P2RX7: variants seen among roughly 807,000 people sequenced by gnomAD.
P2RX7 encodes P2X purinoceptor 7.
P2RX7 carries 62 observed loss-of-function variants against 71.6 expected under a neutral mutation model. That is an observed-to-expected ratio of 0.87 (90% confidence interval 0.71 to 1.07). P2RX7 has a LOEUF of 1.07. Ranked by LOEUF, P2RX7 falls within the 50% of genes least tolerant of loss-of-function variation. The pLI is 0.00. For missense variants in P2RX7, 686 were observed against 748.5 expected (o/e 0.92, Z 0.97); for synonymous variants, 299 against 283.3 (o/e 1.06, Z -0.56).
chr12:121,174,410 A>G (rs1882742111), intron 8 of P2RX7, among the ~76,000 whole-genome samples: 1 of 152,126 alleles, frequency 6.6e-6, no homozygotes, highest in Non-Finnish European at 1.5e-5. Flanking sequence ...CCACCCAGCT[A>G]CTTGGGAGGC....
At chr12:121,133,418 C>T (rs3900976) in intron 1 of P2RX7, among the ~76,000 whole-genome samples, 14,460 of 152,270 alleles carry the variant, frequency 0.095, 1,132 homozygotes, top group East Asian at 0.26. Flanking sequence ...AGGCGAGGAT[C>T]TCAGGGCACG....
intron 1 of P2RX7, among the ~76,000 whole-genome samples, chr12:121,151,625 T>C (rs2136029541): frequency 6.6e-6 from 1 of 152,270 alleles, no homozygotes; most frequent in Admixed American, 6.5e-5. Flanking sequence ...TTTATTGGGG[T>C]GAAATTCACA....
chr12:121,145,660 C>T (rs1011542652), intron 1 of P2RX7, among the ~76,000 whole-genome samples: 1 of 152,100 alleles, frequency 6.6e-6, no homozygotes, highest in African/African-American at 2.4e-5. Context: ...GCATGTGCCA[C>T]CACACCCGCC....
In P2RX7 at chr12:121,175,514, C is replaced by T. The variant is rs372019389; in HGVS notation, c.972+36C>T. ...TTTCCCAGCTCCGGGCACCGGCATC[C>T]TATGACTGTGTCCTAATTACTGCTG... On this transcript the variant is annotated intron_variant, in intron 9 of 12. Coordinates refer to ENST00000328963, the MANE Select transcript of P2RX7 (RefSeq NM_002562.6). 6 of 916,622 alleles carry T rather than the reference C, an allele frequency of 6.5e-6. No individual in the cohort carries two copies. In the African/African-American group the frequency reaches 8.1e-5, roughly 12 times the overall value. The allele number at this position is 916,622 out of a possible 1,614,324, so 56.8% of individuals were successfully genotyped here. A position where few individuals can be genotyped will look rare whatever the true frequency, so the allele number is the denominator to read the frequency against.
Position 121,162,337 on chromosome 12 carries a change from G to A in P2RX7, c.437-87G>A, listed in dbSNP as rs28360446. The A allele has an allele frequency of 0.025, 38,409 of 1,552,422 alleles. 635 individuals carry two copies. Among genetic ancestry groups the A allele is most frequent in the South Asian group, 0.049 (4,059 of 83,280 alleles). The stretch of plus-strand genomic sequence containing the variant: ...CTGGTCAAAGCCTAGTCTCTCGCCC[G>A]GGTTGAGTTAATGATGTCCCTCCTG... On this transcript the variant is annotated intron_variant, in intron 4 of 12. Coordinates refer to ENST00000328963, the MANE Select transcript of P2RX7 (RefSeq NM_002562.6).
rs562282856 is a variant in P2RX7, at chr12:121,184,768, A to C, written c.1754A>C (p.Glu585Ala). 8 of 1,552,090 alleles carry C rather than the reference A, an allele frequency of 5.2e-6. No individual in the cohort carries two copies. The South Asian group carries it at 9.5e-5, about 18-fold the overall frequency. ...ATCCGGAAAGAGTTTCCGAAGAGTG[A>C]AGGGCAGTACAGTGGCTTCAAGAGT... ...WRIRKEFPKSEGQYSGFKSPY is the reference protein window; with the variant it reads ...WRIRKEFPKSAGQYSGFKSPY Residue 585 changes from glutamate to alanine, a missense_variant, in exon 13 of 13, where the codon GAA becomes GCA. Glu to Ala is a moderately radical substitution (Grantham distance 107). Transcript: ENST00000328963.
rs201589850 is a variant in P2RX7, at chr12:121,184,977, C to T, written c.*175C>T. On this transcript the variant is annotated 3_prime_UTR_variant, in exon 13 of 13. Transcript: ENST00000328963. ...GCATGCACCTGCAATCCCAGCTACT[C>T]GGGAGGCTGAGGCACAAGAATCACT... is the stretch of plus-strand genomic sequence containing the variant. 8.3e-5 allele frequency: 47 copies of T among 569,620 alleles called. No homozygotes were observed. Among genetic ancestry groups the T allele is most frequent in the East Asian group, 5.7e-4 (19 of 33,398 alleles). The allele number at this position is 569,620 out of a possible 1,614,324, so 35.3% of individuals were successfully genotyped here.
intron 12 of P2RX7, 66 bp from the exon 13 acceptor site, chr12:121,184,239 A>G: frequency 6.7e-7 from 1 of 1,501,672 alleles, no homozygotes; most frequent in Non-Finnish European, 8.9e-7. Flanking sequence ...ATAAGTTAAT[A>G]AAATTAAAGA....
At chr12:121,171,014 G>A (rs770105535) in intron 8 of P2RX7, among the ~76,000 whole-genome samples, 16 of 152,128 alleles carry the variant, frequency 1.1e-4, no homozygotes, top group Non-Finnish European at 2.4e-4. Flanking sequence ...GCTTATGCAC[G>A]ACCTGTGTGA....
intron 1 of P2RX7, among the ~76,000 whole-genome samples, chr12:121,139,704 C>T (rs1874421304): frequency 6.6e-6 from 1 of 151,212 alleles, no homozygotes; most frequent in Admixed American, 6.6e-5. Flanking sequence ...CAAATCCAAC[C>T]CAAGCATGGC....
chr12:121,178,173 C>T (rs893535127), intron 11 of P2RX7, among the ~76,000 whole-genome samples: 1 of 152,276 alleles, frequency 6.6e-6, no homozygotes, highest in African/African-American at 2.4e-5. Context: ...GAGAAACACT[C>T]ACATGAGTAC....
chr12:121,152,165 G>T (rs1199497071), intron 1 of P2RX7, among the ~76,000 whole-genome samples: 2 of 151,882 alleles, frequency 1.3e-5, no homozygotes, highest in Non-Finnish European at 2.9e-5. Flanking sequence ...ATTTTTAGTA[G>T]AGAGAGGGTT....
chr12:121,171,359 C>CTTTT (rs34595094), intron 8 of P2RX7, among the ~76,000 whole-genome samples: 7 of 105,002 alleles, frequency 6.7e-5, no homozygotes, highest in South Asian at 3.3e-4. Flanking sequence ...TCTTCAATCT[C>CTTTT]TTTTTTTTTT....
At chr12:121,184,209 G>A in intron 12 of P2RX7, 96 bp from the exon 13 acceptor site, 2 of 1,389,092 alleles carry the variant, frequency 1.4e-6, no homozygotes, top group Non-Finnish European at 1.9e-6. Context: ...TATAAATCAT[G>A]TAATATTAAA....
intron 8 of P2RX7, among the ~76,000 whole-genome samples, chr12:121,171,954 C>T (rs1593121022): frequency 1.3e-5 from 2 of 151,724 alleles, no homozygotes; most frequent in East Asian, 1.9e-4. Flanking sequence ...CTCCGCCTCC[C>T]GGGTTCACAC....
intron 11 of P2RX7, among the ~76,000 whole-genome samples, chr12:121,178,341 C>T (rs1309696226): frequency 6.6e-6 from 1 of 152,140 alleles, no homozygotes; most frequent in Admixed American, 6.6e-5. Flanking sequence ...CAGGCACCAG[C>T]TTAAAAAAAT....
rs916297331 is a variant in P2RX7, at chr12:121,154,007, A to G, written c.126-778A>G. ...CATGGTGATACATGCCTGTAGTTCC[A>G]GCTACTCAGGAGGCTGAGGTGGGAG... On this transcript the variant is annotated intron_variant, in intron 1 of 12. Transcript: ENST00000328963. This position sits in a 1 kb window ranked among gnomAD's most constrained non-coding sequence, Gnocchi z 4.2. 1.3e-5 allele frequency among the ~76,000 whole-genome samples: 2 copies of G among 152,120 alleles called. No homozygotes were observed. Among genetic ancestry groups the G allele is most frequent in the African/African-American group, 4.8e-5 (2 of 41,426 alleles).
At chr12:121,180,217 C>A in intron 11 of P2RX7, 137 bp from the exon 12 acceptor site, 3 of 305,808 alleles carry the variant, frequency 9.8e-6, no homozygotes, top group South Asian at 7.9e-5. Flanking sequence ...ATCATTAATT[C>A]TTGGTTAATG....
chr12:121,179,925 G>A (rs1252646737), intron 11 of P2RX7, among the ~76,000 whole-genome samples: 5 of 151,994 alleles, frequency 3.3e-5, no homozygotes, highest in Non-Finnish European at 5.9e-5. Context: ...CAAGGCGGGC[G>A]GATCAACTGA....
Sources: gnomAD v4.1 joint callset for allele counts (sites outside exome capture counted in the v4.1 genomes callset) on GRCh38, gnomAD v4.1.1 for gene constraint, Gnocchi (gnomAD v3.1) non-coding constraint, MANE v1.5 for transcripts, NCBI Gene and HGNC (gene_info 2026-07-23, HGNC 2026-07-21) for gene names.